The following CNTN5 variants were observed in gnomAD, a reference collection of about 807,000 sequenced individuals.
CNTN5 encodes contactin-5.
In CNTN5, 77 loss-of-function variants were observed where a neutral mutation model predicts 129.1. That is an observed-to-expected ratio of 0.60 (90% CI 0.50 to 0.72). CNTN5 has a LOEUF of 0.72. Among genes scored for constraint, CNTN5 ranks in the 30% least tolerant of loss-of-function variants. The pLI is 0.00. For missense variants in CNTN5, 1,478 were observed against 1,328.8 expected, an observed-to-expected ratio of 1.11 and a Z score of -1.75; for synonymous variants, 509 against 465.6, an observed-to-expected ratio of 1.09 and a Z score of -1.20.
chr11:100,063,188 C>A (rs1411205476), intron 10 of CNTN5, among the ~76,000 whole-genome samples: 1 of 151,956 alleles, frequency 6.6e-6, no homozygotes, highest in African/African-American at 2.4e-5. Context: ...CCTCCCTTAA[C>A]CCCAGCTACT....
chr11:100,067,065 G>C (rs920213261), intron 10 of CNTN5, among the ~76,000 whole-genome samples: 1 of 151,612 alleles, frequency 6.6e-6, no homozygotes, highest in Non-Finnish European at 1.5e-5. Context: ...TATAGACCTA[G>C]TGGTTTATAA....
At chr11:100,005,145 G>C (rs532172525) in intron 9 of CNTN5, among the ~76,000 whole-genome samples, 1 of 152,176 alleles carries the variant, frequency 6.6e-6, no homozygotes, top group Non-Finnish European at 1.5e-5. Flanking sequence ...ACAGCACCTG[G>C]CACATAGCAT....
intron 2 of CNTN5, among the ~76,000 whole-genome samples, chr11:99,379,257 T>TATTA (rs1009263141): frequency 2.7e-5 from 4 of 150,628 alleles, no homozygotes; most frequent in East Asian, 1.9e-4. Context: ...ATATTAATTA[T>TATTA]ATTAATTAAT....
intron 1 of CNTN5, among the ~76,000 whole-genome samples, chr11:99,236,490 A>G: frequency 6.6e-6 from 1 of 151,612 alleles, no homozygotes; most frequent in Non-Finnish European, 1.5e-5. Flanking sequence ...ACACACACAC[A>G]CACACACAGA....
At position 99,111,752 on chromosome 11, in the gene CNTN5, T is replaced by A. The variant is rs575588916; in HGVS notation, c.-210+90482T>A. On this transcript the variant is annotated intron_variant, in intron 1 of 24. Coordinates refer to ENST00000524871, the MANE Select transcript of CNTN5 (RefSeq NM_014361.4). ...TTGGGATAAAATAGGAAAAGTGTAC[T>A]AGCCTGCTGATCTCTTAAATACTGC... Among the ~76,000 whole-genome samples the A allele has an allele frequency of 3.3e-5, 5 of 152,184 alleles. No individual in the cohort carries two copies. The East Asian group carries it at 9.6e-4, about 29-fold the overall frequency.
chr11:99,391,422 A>G (rs1941252935), intron 2 of CNTN5, among the ~76,000 whole-genome samples: 1 of 152,166 alleles, frequency 6.6e-6, no homozygotes, highest in Admixed American at 6.6e-5. Context: ...TGAGCAAACT[A>G]ATAGATGGGC....
At chr11:99,620,464 A>G (rs937658605) in intron 3 of CNTN5, among the ~76,000 whole-genome samples, 1 of 46,224 alleles carries the variant, frequency 2.2e-5, no homozygotes, top group Non-Finnish European at 5.5e-5. Flanking sequence ...CTTTCTGAGT[A>G]GAGTTAATGA....
At chr11:100,136,816 G>GAAAC (rs1366753895) in intron 13 of CNTN5, among the ~76,000 whole-genome samples, 1 of 150,490 alleles carries the variant, frequency 6.6e-6, no homozygotes, top group African/African-American at 2.4e-5. Flanking sequence ...TAACACAGAA[G>GAAAC]AAACAAACAC....
chr11:99,762,585 G>A (rs965563712), intron 3 of CNTN5, among the ~76,000 whole-genome samples: 5 of 152,010 alleles, frequency 3.3e-5, no homozygotes, highest in Admixed American at 2.0e-4. Context: ...TAGATATGCG[G>A]CGTTATTTCT....
chr11:99,083,117 CT>C (rs1865875188), intron 1 of CNTN5, among the ~76,000 whole-genome samples: 1 of 151,958 alleles, frequency 6.6e-6, no homozygotes, highest in Non-Finnish European at 1.5e-5. Context: ...CAATTATTTA[CT>C]TTTTATTTTT....
chr11:99,799,386 T>TTATGAATAAAA (rs2135472958), intron 3 of CNTN5, among the ~76,000 whole-genome samples: 1 of 152,132 alleles, frequency 6.6e-6, no homozygotes, highest in African/African-American at 2.4e-5. Flanking sequence ...GCTGTAGGTT[T>TTATGAATAAAA]GTCATAAATG....
chr11:99,426,297 C>T (rs960894641), intron 2 of CNTN5, among the ~76,000 whole-genome samples: 1 of 152,036 alleles, frequency 6.6e-6, no homozygotes, highest in Non-Finnish European at 1.5e-5. Flanking sequence ...AATAGGATCA[C>T]AGGTAACTGT....
chr11:99,672,248 G>A (rs1039185644), intron 3 of CNTN5, among the ~76,000 whole-genome samples: 7 of 152,046 alleles, frequency 4.6e-5, no homozygotes, highest in African/African-American at 1.7e-4. Context: ...CTCTCTTAAT[G>A]AGTGCTACCT....
intron 2 of CNTN5, among the ~76,000 whole-genome samples, chr11:99,487,689 C>A (rs2135337809): frequency 6.6e-6 from 1 of 152,274 alleles, no homozygotes; most frequent in Non-Finnish European, 1.5e-5. Context: ...ATAAACAAAA[C>A]CTAAAAACAT....
chr11:99,299,463 T>A lies in CNTN5; in HGVS notation c.-209-25883T>A, dbSNP rs181969209. On this transcript the variant is annotated intron_variant, in intron 1 of 24. Coordinates refer to ENST00000524871, the MANE Select transcript of CNTN5 (RefSeq NM_014361.4). ...ACTGGCAAAAGGAAGAATTGAAGAA[T>A]TGTGAACTTAGAGGTAAACCAATAG... Among the ~76,000 whole-genome samples the A allele has an allele frequency of 1.5e-3, 227 of 152,204 alleles. 1 individual carries two copies. The highest frequency in any genetic ancestry group is 5.3e-3 in the African/African-American group (219 of 41,532).
At chr11:99,379,994 G>C (rs537832120) in intron 2 of CNTN5, among the ~76,000 whole-genome samples, 1 of 151,856 alleles carries the variant, frequency 6.6e-6, no homozygotes, top group African/African-American at 2.4e-5. Context: ...GTATATATGC[G>C]TGTGTGTGAA....
At chr11:100,096,736 A>G (rs1419654951) in intron 13 of CNTN5, among the ~76,000 whole-genome samples, 1 of 152,106 alleles carries the variant, frequency 6.6e-6, no homozygotes, top group African/African-American at 2.4e-5. Flanking sequence ...CTGGCATGTC[A>G]CTTTCTACCA....
chr11:100,091,642 T>C (rs1944790590), intron 13 of CNTN5, among the ~76,000 whole-genome samples: 1 of 151,970 alleles, frequency 6.6e-6, no homozygotes, highest in African/African-American at 2.4e-5. Flanking sequence ...TTGGCCAGGC[T>C]GGTCTTGAAC....
At chr11:99,923,343 T>C (rs1591427462) in intron 7 of CNTN5, among the ~76,000 whole-genome samples, 1 of 152,206 alleles carries the variant, frequency 6.6e-6, no homozygotes, top group Non-Finnish European at 1.5e-5. Context: ...AAACGTGTTT[T>C]TCAGTTTAGT....
Sources: gnomAD v4.1 joint callset for allele counts (sites outside exome capture counted in the v4.1 genomes callset) on GRCh38, gnomAD v4.1.1 for gene constraint, MANE v1.5 for transcripts, NCBI Gene and HGNC (gene_info 2026-07-23, HGNC 2026-07-21) for gene names.